The following ARHGEF3 variants were observed in gnomAD, a reference collection of about 807,000 sequenced individuals.
ARHGEF3 encodes Rho guanine nucleotide exchange factor 3, also known as 59.8 kDA protein.
In ARHGEF3, 28 loss-of-function variants were observed where a neutral mutation model predicts 63.2. The observed-to-expected ratio is 0.44, with a 90% CI of 0.33 to 0.61. The LOEUF (loss-of-function observed/expected upper bound fraction) is 0.61, where lower values mean the gene tolerates loss of function less well. ARHGEF3 is among the 20% of genes least tolerant of loss of function. The pLI is 0.03. For synonymous variants in ARHGEF3, 266 were observed against 254.2 expected, an observed-to-expected ratio of 1.05 and a Z score of -0.44; for missense variants, 533 against 659.3, an observed-to-expected ratio of 0.81 and a Z score of 2.10.
chr3:56,949,130 A>C (rs1455268781), intron 3 of ARHGEF3, among the ~76,000 whole-genome samples: 5 of 151,942 alleles, frequency 3.3e-5, no homozygotes, highest in African/African-American at 1.2e-4. Flanking sequence ...GATGTATCTC[A>C]AAATAATAAG....
chr3:57,001,336 T>C (rs1249700069), intron 2 of ARHGEF3, among the ~76,000 whole-genome samples: 1 of 152,230 alleles, frequency 6.6e-6, no homozygotes, highest in Admixed American at 6.5e-5. Flanking sequence ...ATTATATGGA[T>C]ATAAGCTCAA....
At chr3:56,943,307 C>G (rs1699281892) in intron 3 of ARHGEF3, among the ~76,000 whole-genome samples, 1 of 152,164 alleles carries the variant, frequency 6.6e-6, no homozygotes, top group African/African-American at 2.4e-5. Flanking sequence ...CTGAAAATCC[C>G]AGGGCTCTTA....
chr3:56,854,169 T>C (rs948730499), intron 4 of ARHGEF3, among the ~76,000 whole-genome samples: 2 of 151,972 alleles, frequency 1.3e-5, no homozygotes, highest in African/African-American at 2.4e-5. Context: ...CACTCCAGCC[T>C]GGGTGACAGA....
At chr3:56,831,869 T>C (rs547623196) in intron 4 of ARHGEF3, among the ~76,000 whole-genome samples, 1 of 152,338 alleles carries the variant, frequency 6.6e-6, no homozygotes, top group East Asian at 1.9e-4. Flanking sequence ...GAGCAATCTT[T>C]GGGTGAACTT....
At chr3:57,074,507 A>T in intron 1 of ARHGEF3, 2 of 547,088 alleles carry the variant, frequency 3.7e-6, no homozygotes, top group South Asian at 5.1e-5. Flanking sequence ...CACAATCCAG[A>T]TCTCATACTC....
intron 3 of ARHGEF3, among the ~76,000 whole-genome samples, chr3:56,935,594 C>T (rs537385555): frequency 3.3e-5 from 5 of 152,164 alleles, no homozygotes; most frequent in South Asian, 2.1e-4. Flanking sequence ...CCGGGAGGAA[C>T]GAACAACTCC....
At chr3:57,024,459 A>C (rs1703387947) in intron 2 of ARHGEF3, among the ~76,000 whole-genome samples, 1 of 152,138 alleles carries the variant, frequency 6.6e-6, no homozygotes, top group Non-Finnish European at 1.5e-5. Context: ...AACAAAAAAA[A>C]ATCCACTTTG....
intron 1 of ARHGEF3, among the ~76,000 whole-genome samples, chr3:56,778,899 G>A (rs1559932337): frequency 6.6e-6 from 1 of 152,108 alleles, no homozygotes; most frequent in Non-Finnish European, 1.5e-5. Context: ...TTCTTAGCTT[G>A]AGGCCCATAG....
At chr3:56,961,757 T>C (rs1367841048) in intron 2 of ARHGEF3, among the ~76,000 whole-genome samples, 1 of 152,038 alleles carries the variant, frequency 6.6e-6, no homozygotes, top group African/African-American at 2.4e-5. Flanking sequence ...CTCTTAACAA[T>C]TCTAGGCCAG....
At chr3:57,002,923 G>A (rs531374033) in intron 2 of ARHGEF3, among the ~76,000 whole-genome samples, 3 of 151,204 alleles carry the variant, frequency 2.0e-5, no homozygotes, top group Admixed American at 1.3e-4. Context: ...ACAGGCGCAC[G>A]CCACCACGCC....
At chr3:56,956,774 G>T (rs929060723) in intron 3 of ARHGEF3, among the ~76,000 whole-genome samples, 1 of 152,166 alleles carries the variant, frequency 6.6e-6, no homozygotes. Context: ...AGGATGGATA[G>T]GGCAAGCACT....
chr3:56,842,951 G>A (rs1267239309), intron 4 of ARHGEF3, among the ~76,000 whole-genome samples: 2 of 152,142 alleles, frequency 1.3e-5, no homozygotes, highest in African/African-American at 4.8e-5. Context: ...CCAGTTGGCT[G>A]ACTTTGTGTT....
intron 4 of ARHGEF3, among the ~76,000 whole-genome samples, chr3:56,829,510 C>T (rs777764727): frequency 3.9e-5 from 6 of 152,296 alleles, no homozygotes; most frequent in Non-Finnish European, 5.9e-5. Context: ...ACAGCTGAAA[C>T]GAGAATCTGC....
chr3:56,784,297 T>C (rs544537305), intron 1 of ARHGEF3, among the ~76,000 whole-genome samples: 37 of 152,350 alleles, frequency 2.4e-4, no homozygotes, highest in Admixed American at 1.1e-3. Flanking sequence ...CATCAGGTTA[T>C]GCATTTTTGG....
rs1249099945 is a variant in ARHGEF3, at chr3:57,077,964, G to T, written c.-28+1262C>A. Among the ~76,000 whole-genome samples the T allele has an allele frequency of 2.6e-5, 4 of 152,314 alleles. No homozygotes were observed. In the East Asian group the frequency reaches 5.8e-4, roughly 22 times the overall value. ...CACCAGCTCCTTACCAGAATAAGGG[G>T]AAGGAGCAACTGCCTGCACACCCAC... On this transcript the variant is annotated intron_variant, in intron 1 of 12. Coordinates refer to the ARHGEF3 transcript ENST00000338458.
intron 7 of ARHGEF3, among the ~76,000 whole-genome samples, chr3:56,740,929 A>G (rs374076491): frequency 2.0e-5 from 3 of 152,340 alleles, no homozygotes; most frequent in African/African-American, 2.4e-5. Context: ...AACAACTGGC[A>G]TATCACATGA....
At chr3:56,935,778 C>G (rs144961208) in intron 3 of ARHGEF3, among the ~76,000 whole-genome samples, 1 of 152,162 alleles carries the variant, frequency 6.6e-6, no homozygotes, top group African/African-American at 2.4e-5. Flanking sequence ...CACGAGGGTC[C>G]GTGGCTTCAT....
chr3:56,752,805 G>A (rs1345484836), intron 4 of ARHGEF3, among the ~76,000 whole-genome samples: 2 of 152,166 alleles, frequency 1.3e-5, no homozygotes, highest in African/African-American at 4.8e-5. Context: ...CAAAGCTTGG[G>A]TGGCCATCTC....
intron 3 of ARHGEF3, among the ~76,000 whole-genome samples, chr3:56,906,072 G>C (rs1173284853): frequency 6.6e-6 from 1 of 151,894 alleles, no homozygotes; most frequent in Non-Finnish European, 1.5e-5. Context: ...ATCATGTTGG[G>C]CAGGCTGGTC....
Sources: allele counts gnomAD v4.1 joint callset (sites outside exome capture counted in the v4.1 genomes callset), GRCh38; gene constraint gnomAD v4.1.1; transcripts MANE v1.5; gene names NCBI Gene and HGNC (gene_info 2026-07-23, HGNC 2026-07-21).